The following CHGA variants were observed in gnomAD, a reference collection of about 807,000 sequenced individuals.
CHGA encodes chromogranin A.
CHGA carries 41 observed loss-of-function variants against 54.4 expected under a neutral mutation model. The observed-to-expected ratio is 0.75, with a 90% CI of 0.59 to 0.98. The LOEUF is 0.98. Among genes scored for constraint, CHGA ranks in the 50% least tolerant of loss-of-function variants. The pLI is 0.00. For synonymous variants in CHGA, 249 were observed against 232.8 expected (o/e 1.07, Z -0.63); for missense variants, 576 against 582.3 (o/e 0.99, Z 0.11).
At chr14:92,928,894 A>G (rs1431199874) in intron 4 of CHGA, among the ~76,000 whole-genome samples, 2 of 152,122 alleles carry the variant, frequency 1.3e-5, no homozygotes, top group Admixed American at 1.3e-4. Flanking sequence ...CAGCAACCCT[A>G]TTTTCTAGAC....
intron 7 of CHGA, 34 bp from the exon 8 acceptor site, chr14:92,934,767 G>A: frequency 1.3e-6 from 2 of 1,534,890 alleles, no homozygotes; most frequent in East Asian, 2.4e-5. Flanking sequence ...CCACTGGCCA[G>A]GCTGGCCCGA....
Position 92,932,798 on chromosome 14 carries a change from G to T in CHGA, c.1237G>T (p.Gly413Cys). The T allele has an allele frequency of 6.4e-7, 1 of 1,565,640 alleles. No individual in the cohort carries two copies. Among genetic ancestry groups the T allele is most frequent in the Non-Finnish European group, 8.7e-7 (1 of 1,154,764 alleles). The part of the protein sequence containing the change: ...LEAGLPLQVR[G>C]YPEEKKEEEG... ...GGCGGGCCTGCCCCTCCAGGTCCGA[G>T]GCTACCCCGAGGAGAAGAAAGAGGA... Residue 413 changes from glycine to cysteine, a missense_variant, in exon 7 of 8, where the codon GGC becomes TGC. Transcript: ENST00000216492. The surrounding 1 kb of genome is among the most constrained non-coding windows in gnomAD (Gnocchi z 5.3).
At chr14:92,923,553 C>T (rs993879955) in intron 1 of CHGA, 148 bp downstream of exon 1, 6 of 682,472 alleles carry the variant, frequency 8.8e-6, no homozygotes, top group Non-Finnish European at 1.2e-5. Context: ...CTCCGCCTCC[C>T]GCCTGACCCT....
chr14:92,926,813 G>A, intron 3 of CHGA, 115 bp downstream of exon 3: 1 of 862,398 alleles, frequency 1.2e-6, no homozygotes, highest in Non-Finnish European at 1.9e-6. Flanking sequence ...CTGACTGAGT[G>A]CCCGTCATGT....
In CHGA at chr14:92,931,273, A is replaced by C. The variant is rs1433383030; in HGVS notation, c.379A>C (p.Lys127Gln). The C allele has an allele frequency of 6.2e-7, 1 of 1,612,664 alleles. No individual in the cohort carries two copies. Among genetic ancestry groups the C allele is most frequent in the Admixed American group, 1.7e-5 (1 of 59,982 alleles). ...AGAGGCGGTGGAAGAGCCATCATCCAAGGATGTTATGGAGAAAAGAGAGGA... is the reference window on the plus strand; with the variant it reads ...AGAGGCGGTGGAAGAGCCATCATCCCAGGATGTTATGGAGAAAAGAGAGGA... ...LKEAVEEPSS[K>Q]DVMEKREDSK... The change falls in exon 6 of 8, where the codon AAG (lysine) becomes CAG (glutamine). Residue 127 changes from lysine to glutamine, a missense_variant. Physicochemically the swap from Lys to Gln is moderately conservative, Grantham distance 53. Transcript: ENST00000216492.
intron 2 of CHGA, among the ~76,000 whole-genome samples, chr14:92,925,895 G>A (rs920199553): frequency 7.9e-5 from 12 of 152,152 alleles, no homozygotes; most frequent in Non-Finnish European, 1.0e-4. Flanking sequence ...CATCATCAAA[G>A]ATCACTCATT....
chr14:92,928,129 C>T (rs1005396678), intron 4 of CHGA, among the ~76,000 whole-genome samples: 2 of 152,240 alleles, frequency 1.3e-5, no homozygotes, highest in African/African-American at 4.8e-5. Flanking sequence ...CTGTGGGAAG[C>T]GGCCGTTTCC....
Position 92,932,916 on chromosome 14 carries a change from GAC to G in CHGA, c.1290+70_1290+71del, listed in dbSNP as rs1887042221. 2 of 1,447,898 alleles carry G rather than the reference GAC, an allele frequency of 1.4e-6. No homozygotes were observed. The highest frequency in any genetic ancestry group is 2.9e-5 in the African/African-American group (2 of 69,662). 89.7% of individuals were successfully genotyped at this position (1,447,898 alleles called of 1,614,324 possible). A position where few individuals can be genotyped will look rare whatever the true frequency, so the allele number is the denominator to read the frequency against. ...GAGCAGCAGGGGGCAGCCGCACCCA[GAC>G]ACACTGCCCCTGCCCCACTGAGGGG... On this transcript the variant is annotated intron_variant, in intron 7 of 7. Coordinates refer to ENST00000216492, the MANE Select transcript of CHGA (RefSeq NM_001275.4). This position sits in a 1 kb window ranked among gnomAD's most constrained non-coding sequence, Gnocchi z 5.3.
chr14:92,922,981 G>A (rs1460988691), upstream of CHGA: 1 of 180,310 alleles, frequency 5.5e-6, no homozygotes, highest in Non-Finnish European at 1.2e-5. Context: ...TCGCGGCCAA[G>A]ACCCACCAGC....
At position 92,931,251 on chromosome 14, in the gene CHGA, G is replaced by A. The variant is rs1394593657; in HGVS notation, c.357G>A (p.Glu119=). ...GACTTGGCTGTGCTGTGTCTGCAGAGGCGGTGGAAGAGCCATCATCCAAGG... is the reference window on the plus strand; with the variant it reads ...GACTTGGCTGTGCTGTGTCTGCAGAAGCGGTGGAAGAGCCATCATCCAAGG... The part of the protein sequence containing the change: ...ENQSSQAELK[E]AVEEPSSKDV... The change falls in exon 6 of 8, where the codon GAG becomes GAA. Residue 119 remains glutamate, a splice_region_variant and synonymous_variant. Transcript: ENST00000216492. The A allele has an allele frequency of 6.2e-7, 1 of 1,607,738 alleles. No homozygotes were observed. Among genetic ancestry groups the A allele is most frequent in the Admixed American group, 1.7e-5 (1 of 59,808 alleles).
upstream of CHGA, chr14:92,923,124 A>T: frequency 3.0e-6 from 1 of 331,638 alleles, no homozygotes; most frequent in Non-Finnish European, 5.4e-6. Context: ...CGGGGTATAT[A>T]AGCGGGGCGC....
intron 1 of CHGA, 146 bp from the exon 2 acceptor site, chr14:92,924,053 A>C: frequency 1.1e-6 from 1 of 912,788 alleles, no homozygotes; most frequent in South Asian, 1.5e-5. Context: ...AGGGAAGGGA[A>C]ACAAAATCAG....
Position 92,929,698 on chromosome 14 carries a change from C to T in CHGA, c.257-19C>T. 6.2e-7 allele frequency: 1 copy of T among 1,611,554 alleles called. No homozygotes were observed. The highest frequency in any genetic ancestry group is 8.5e-7 in the Non-Finnish European group (1 of 1,177,912). On this transcript the variant is annotated intron_variant, in intron 4 of 7. Transcript: ENST00000216492. Reference sequence around the variant, plus strand: ...ACAGCTGCACCCAATGGGACTTTTCCCTCCTTTTCTCATACCAGGCGCCAA... The same window carrying T: ...ACAGCTGCACCCAATGGGACTTTTCTCTCCTTTTCTCATACCAGGCGCCAA...
chr14:92,927,778 A>G (rs1256339984), intron 4 of CHGA, among the ~76,000 whole-genome samples, 160 bp downstream of exon 4: 1 of 152,196 alleles, frequency 6.6e-6, no homozygotes, highest in Non-Finnish European at 1.5e-5. Flanking sequence ...TCAATCTGTT[A>G]TTGATATTGT....
At chr14:92,926,358 G>A (rs1886885729) in intron 2 of CHGA, 2 of 535,388 alleles carry the variant, frequency 3.7e-6, no homozygotes, top group Non-Finnish European at 6.7e-6. Flanking sequence ...CCACCTTGGA[G>A]GGGAACCTGC....
At chr14:92,929,971 T>C (rs1886962875) in intron 5 of CHGA, among the ~76,000 whole-genome samples, 156 bp downstream of exon 5, 1 of 152,216 alleles carries the variant, frequency 6.6e-6, no homozygotes, top group Admixed American at 6.5e-5. Context: ...TCAGAGAGAC[T>C]AGGTCCCTTG....
chr14:92,924,202 C>T lies in CHGA; in HGVS notation c.50C>T (p.Thr17Ile). 2 of 1,612,268 alleles carry T rather than the reference C, an allele frequency of 1.2e-6. No homozygotes were observed. Among genetic ancestry groups the T allele is most frequent in the Non-Finnish European group, 8.5e-7 (1 of 1,179,532 alleles). The change falls in exon 2 of 8, where the codon ACT becomes ATT. Residue 17 changes from threonine (T) to isoleucine (I), a missense_variant. Thr to Ile is a moderately conservative substitution (Grantham distance 89). Coordinates refer to ENST00000216492, the MANE Select transcript of CHGA (RefSeq NM_001275.4). ...AGCACTCTCTTCTTCTTCCCAGTCA[C>T]TGCGCTCCCTGTGAACAGCCCTATG... ...LALLLCAGQV[T>I]ALPVNSPMNK...
At chr14:92,923,120 A>G (rs887991861), upstream of CHGA, 3 of 323,150 alleles carry the variant, frequency 9.3e-6, no homozygotes, top group Admixed American at 1.5e-4. Context: ...GGGTCGGGGT[A>G]TATAAGCGGG....
chr14:92,934,879 G>A lies in CHGA; in HGVS notation c.1369G>A (p.Gly457Ser). ...VAHQLQALRR[G>S] ...CCACCAGCTGCAGGCACTACGGCGG[G>A]GCTGAGACACCGGCTGGCAGGGCTG... is the stretch of plus-strand genomic sequence containing the variant. The change falls in exon 8 of 8, where the codon GGC becomes AGC. Residue 457 changes from glycine to serine, a missense_variant. Physicochemically the swap from Gly to Ser is moderately conservative, Grantham distance 56. Transcript: ENST00000216492. 1.9e-6 allele frequency: 3 copies of A among 1,565,362 alleles called. No homozygotes were observed. Among genetic ancestry groups the A allele is most frequent in the Non-Finnish European group, 2.6e-6 (3 of 1,157,328 alleles).
Sources: gnomAD v4.1 joint callset for allele counts (sites outside exome capture counted in the v4.1 genomes callset) on GRCh38, gnomAD v4.1.1 for gene constraint, Gnocchi (gnomAD v3.1) non-coding constraint, MANE v1.5 for transcripts, NCBI Gene and HGNC (gene_info 2026-07-23, HGNC 2026-07-21) for gene names.